The following CHD7 variants were observed in gnomAD, a reference collection of about 807,000 sequenced individuals.
The protein encoded by CHD7 is chromodomain helicase DNA binding protein 7.
A neutral mutation model predicts 307.3 loss-of-function variants in CHD7; 24 were observed. The observed-to-expected ratio is 0.08, with a 90% CI of 0.06 to 0.11. The LOEUF is 0.11. Among genes scored for constraint, CHD7 ranks in the 10% least tolerant of loss-of-function variants. The probability of loss-of-function intolerance (pLI) is 1.00; values close to 1 mark genes in which losing one functional copy is unlikely to be tolerated. For missense variants in CHD7, 3,106 were observed against 3,727.1 expected (o/e 0.83, Z 4.34); for synonymous variants, 1,363 against 1,349.9 (o/e 1.01, Z -0.21).
chr8:60,729,947 T>G (rs935941539), intron 1 of CHD7, among the ~76,000 whole-genome samples: 2 of 152,228 alleles, frequency 1.3e-5, no homozygotes, highest in Non-Finnish European at 2.9e-5. Flanking sequence ...ATCAAGAGTC[T>G]TGTACACTCA....
rs766091347 is a variant in CHD7, at chr8:60,856,577, G to A, written c.7297G>A (p.Val2433Ile). Residue 2433 changes from valine (V) to isoleucine (I), a missense_variant, in exon 34 of 38, where the codon GTC (valine) becomes ATC (isoleucine). Around this residue, in one of 10 missense-constraint regions of CHD7, gnomAD observed 1,030 missense variants for 1,165.4 expected, o/e 0.88. Transcript: ENST00000423902. Reference protein sequence around the residue: ...MVAQLRESQVVSENGQEKVVD... With the variant: ...MVAQLRESQVISENGQEKVVD... ...TGCCCAGCTTCGAGAGTCTCAGGTG[G>A]TCTCAGAAAATGGACAAGAAAAAGT... The A allele has an allele frequency of 1.2e-6, 2 of 1,614,038 alleles. No homozygotes were observed. The highest frequency in any genetic ancestry group is 1.7e-5 in the Admixed American group (1 of 60,024).
At chr8:60,747,788 C>A (rs1405258752) in intron 2 of CHD7, among the ~76,000 whole-genome samples, 1 of 152,222 alleles carries the variant, frequency 6.6e-6, no homozygotes. Context: ...CACCGCTTAA[C>A]GTCACCACCT....
chr8:60,726,159 A>G lies in CHD7; in HGVS notation c.-174-15100A>G, dbSNP rs1456343622. 3.3e-5 allele frequency among the ~76,000 whole-genome samples: 5 copies of G among 152,350 alleles called. No individual in the cohort carries two copies. The East Asian group carries it at 7.7e-4, about 23-fold the overall frequency. On this transcript the variant is annotated intron_variant, in intron 1 of 37. Transcript: ENST00000423902. The stretch of plus-strand genomic sequence containing the variant: ...ACATATATGTATTCGATTTATTTAT[A>G]TAATTATGTTTTATCACTTATCTGT...
rs746588631 is a variant in CHD7, at chr8:60,849,024, A to G, written c.5301-27A>G. ...TACTTGGAATTCTTTTTTAATACTA[A>G]TATTTCTTATAAATGTTGTCTTTCA... On this transcript the variant is annotated intron_variant, in intron 24 of 37. Coordinates refer to ENST00000423902, the MANE Select transcript of CHD7 (RefSeq NM_017780.4). The G allele has an allele frequency of 3.9e-6, 6 of 1,546,192 alleles. 1 individual carries two copies. The highest frequency in any genetic ancestry group is 3.3e-5 in the South Asian group (3 of 89,626).
At chr8:60,810,444 A>G (rs552573404) in intron 7 of CHD7, among the ~76,000 whole-genome samples, 11 of 151,832 alleles carry the variant, frequency 7.2e-5, no homozygotes, top group Non-Finnish European at 1.5e-4. Flanking sequence ...TGTTTATTAT[A>G]TACACACACA....
chr8:60,706,829 A>G (rs895195092), intron 1 of CHD7, among the ~76,000 whole-genome samples: 16 of 152,148 alleles, frequency 1.1e-4, no homozygotes, highest in Admixed American at 5.2e-4. Context: ...ATATATATAT[A>G]TTTATTATAC....
chr8:60,726,148 G>A (rs543167534), intron 1 of CHD7, among the ~76,000 whole-genome samples: 13 of 152,122 alleles, frequency 8.5e-5, no homozygotes, highest in South Asian at 2.1e-4. Flanking sequence ...ATATGTATTC[G>A]ATTTATTTAT....
intron 1 of CHD7, among the ~76,000 whole-genome samples, chr8:60,718,069 G>A (rs1010752527): frequency 2.0e-5 from 3 of 152,146 alleles, no homozygotes; most frequent in Non-Finnish European, 4.4e-5. Context: ...GATGGCCTCC[G>A]AAGACCTTCC....
intron 34 of CHD7, among the ~76,000 whole-genome samples, chr8:60,857,279 G>A (rs1255102796): frequency 6.6e-6 from 1 of 152,134 alleles, no homozygotes; most frequent in African/African-American, 2.4e-5. Flanking sequence ...TAAGATTTGG[G>A]TTAACATAAA....
chr8:60,713,654 TTGTTTGGAGGCCAGA>T (rs754247068), intron 1 of CHD7, among the ~76,000 whole-genome samples: 8 of 152,100 alleles, frequency 5.3e-5, no homozygotes, highest in Non-Finnish European at 1.0e-4. Context: ...AGTGTTAAGA[TTGTTTGGAGGCCAGA>T]GGTTTGGAGG....
At chr8:60,774,215 G>A (rs112732830) in intron 2 of CHD7, among the ~76,000 whole-genome samples, 4 of 152,250 alleles carry the variant, frequency 2.6e-5, no homozygotes, top group African/African-American at 9.6e-5. Context: ...TCCTATGTTA[G>A]GATTCCAGTT....
Position 60,850,038 on chromosome 8 carries a change from G to A in CHD7, c.5405-455G>A, listed in dbSNP as rs146466426. Among the ~76,000 whole-genome samples, 16 of 152,234 alleles carry A rather than the reference G, an allele frequency of 1.1e-4. No individual in the cohort carries two copies. In the East Asian group the frequency reaches 1.2e-3, roughly 11 times the overall value. The stretch of plus-strand genomic sequence containing the variant: ...ATCCTAAACCTAATAAGACAGGTTC[G>A]CTGGCCTTATGTATATGGGGATTTT... On this transcript the variant is annotated intron_variant, in intron 25 of 37. Coordinates refer to ENST00000423902, the MANE Select transcript of CHD7 (RefSeq NM_017780.4).
intron 7 of CHD7, among the ~76,000 whole-genome samples, chr8:60,816,086 C>T (rs575415122): frequency 6.7e-6 from 1 of 148,702 alleles, no homozygotes; most frequent in East Asian, 2.0e-4. Context: ...TCTCTCTTCT[C>T]TGTCTCTTTT....
intron 10 of CHD7, 48 bp from the exon 11 acceptor site, chr8:60,821,976 G>A (rs1244106927): frequency 3.7e-6 from 6 of 1,613,472 alleles, no homozygotes; most frequent in Non-Finnish European, 5.1e-6. Context: ...TAGCATAGTG[G>A]TGTGGTCTTT....
chr8:60,699,034 C>T (rs1806629593), intron 1 of CHD7, among the ~76,000 whole-genome samples: 1 of 152,214 alleles, frequency 6.6e-6, no homozygotes, highest in Admixed American at 6.5e-5. Flanking sequence ...GTGTGGGCCA[C>T]TGCCCTGGCT....
At chr8:60,717,968 T>A (rs72650461) in intron 1 of CHD7, among the ~76,000 whole-genome samples, 3,432 of 151,964 alleles carry the variant, frequency 0.023, 46 homozygotes, top group Non-Finnish European at 0.027. Context: ...CATTTTTTTT[T>A]AAATTTAACT....
At chr8:60,821,747 T>C in intron 9 of CHD7, 43 bp from the exon 10 acceptor site, 2 of 1,534,462 alleles carry the variant, frequency 1.3e-6, no homozygotes, top group Non-Finnish European at 1.8e-6. Flanking sequence ...TGTATGTATG[T>C]GGTCAAATGA....
chr8:60,715,837 T>TA (rs2150533182), intron 1 of CHD7, among the ~76,000 whole-genome samples: 1 of 152,194 alleles, frequency 6.6e-6, no homozygotes, highest in Admixed American at 6.5e-5. Context: ...GGCTAGAAAA[T>TA]ATAGGCCACT....
intron 23 of CHD7, among the ~76,000 whole-genome samples, chr8:60,846,192 C>T (rs556572674): frequency 3.0e-4 from 45 of 152,206 alleles, no homozygotes; most frequent in Non-Finnish European, 2.5e-4. Context: ...TAACCAGTAT[C>T]GGTTAGAGAA....
Sources: gnomAD v4.1 joint callset for allele counts (sites outside exome capture counted in the v4.1 genomes callset) on GRCh38, gnomAD v4.1.1 for gene constraint, gnomAD v4.1.1 regional missense constraint, MANE v1.5 for transcripts, NCBI Gene and HGNC (gene_info 2026-07-23, HGNC 2026-07-21) for gene names.